AQR: variants seen among roughly 807,000 people sequenced by gnomAD.
The protein encoded by AQR is RNA helicase aquarius.
Under a neutral mutation model 180.5 loss-of-function variants are expected in AQR, and 61 were observed. That is an observed-to-expected ratio of 0.34 (90% confidence interval 0.28 to 0.42). AQR has a LOEUF of 0.42. Among genes scored for constraint, AQR ranks in the 10% least tolerant of loss-of-function variants. AQR has a pLI of 1.00. For synonymous variants in AQR, 551 were observed against 588.8 expected, an observed-to-expected ratio of 0.94 and a Z score of 0.93; for missense variants, 1,281 against 1,798.3, an observed-to-expected ratio of 0.71 and a Z score of 5.20.
rs1273901298 is a variant in AQR at position 34,853,959 on chromosome 15, CA to C, written c.*2832del. On this transcript the variant is annotated 3_prime_UTR_variant, in exon 35 of 35. Transcript: ENST00000156471. Reference sequence around the variant, plus strand: ...ATATCTTGCTGTCTCTTGATCATTACAAAATTTCATTTGTTTACAGGAGCAC... The same window carrying C: ...ATATCTTGCTGTCTCTTGATCATTACAAATTTCATTTGTTTACAGGAGCAC... The C allele has an allele frequency of 2.0e-5, 3 of 152,162 alleles. No homozygotes were observed. Among genetic ancestry groups the C allele is most frequent in the Non-Finnish European group, 4.4e-5 (3 of 68,018 alleles). The allele number at this position is 152,162 out of a possible 1,614,324, so 9.4% of individuals were successfully genotyped here.
chr15:34,906,391 G>T (rs953823441), intron 18 of AQR, 154 bp downstream of exon 18: 17 of 814,182 alleles, frequency 2.1e-5, no homozygotes, highest in African/African-American at 3.5e-5. Context: ...AAAACTGCAC[G>T]GTAGGTACCC....
intron 1 of AQR, 34 bp from the exon 2 acceptor site, chr15:34,964,324 G>C (rs2050298046): frequency 6.5e-7 from 1 of 1,529,898 alleles, no homozygotes; most frequent in Non-Finnish European, 9.0e-7. Context: ...GTAAGTCCCA[G>C]ATTCTTGCCA....
chr15:34,944,395 A>T lies in AQR; in HGVS notation c.364T>A (p.Phe122Ile), dbSNP rs768126079. ...FKKKPDHFPF[F>I]FKHILKAALA... ...GCCGCCTTCAAGATGTGTTTAAAAAAGAATGGGAAGTGGTCTGGCTTCTTC... is the reference window on the plus strand; with the variant it reads ...GCCGCCTTCAAGATGTGTTTAAAAATGAATGGGAAGTGGTCTGGCTTCTTC... Residue 122 changes from phenylalanine to isoleucine, a missense_variant, in exon 6 of 35, where the codon TTT (phenylalanine) becomes ATT (isoleucine). Phe to Ile is a conservative substitution (Grantham distance 21, BLOSUM62 0). Around this residue, in one of 9 missense-constraint regions of AQR, gnomAD observed 404 missense variants for 490.9 expected, o/e 0.82. Coordinates refer to ENST00000156471, the MANE Select transcript of AQR (RefSeq NM_014691.3). 4.4e-6 allele frequency: 7 copies of T among 1,607,134 alleles called. No homozygotes were observed. Among genetic ancestry groups the T allele is most frequent in the Non-Finnish European group, 5.9e-6 (7 of 1,177,640 alleles).
chr15:34,882,465 T>TAAAAAAAAAAAAAAAAAAAA lies in AQR; in HGVS notation c.3165+36_3165+37insTTTTTTTTTTTTTTTTTTTT, dbSNP rs34949352. On this transcript the variant is annotated intron_variant, in intron 27 of 34. Coordinates refer to ENST00000156471, the MANE Select transcript of AQR (RefSeq NM_014691.3). ...GAAGTGAGCCAATCTCTGATAATCTTAAAAAAAAAAAAAAAAAAACTACCA... is the reference window on the plus strand; with the variant it reads ...GAAGTGAGCCAATCTCTGATAATCTTAAAAAAAAAAAAAAAAAAAAAAAAAAAAAAAAAAAAAAACTACCA... 3.0e-5 allele frequency: 36 copies of TAAAAAAAAAAAAAAAAAAAA among 1,200,436 alleles called. No homozygotes were observed. The African/African-American group carries it at 5.0e-4, about 17-fold the overall frequency. 74.4% of individuals were successfully genotyped at this position (1,200,436 alleles called of 1,614,324 possible). A position where few individuals can be genotyped will look rare whatever the true frequency, so the allele number is the denominator to read the frequency against.
At chr15:34,938,653 C>T (rs866831157) in intron 9 of AQR, 84 bp downstream of exon 9, 3 of 856,738 alleles carry the variant, frequency 3.5e-6, no homozygotes, top group African/African-American at 3.3e-5. Flanking sequence ...ATTCCAAGAA[C>T]AGTTTTTAGA....
intron 13 of AQR, among the ~76,000 whole-genome samples, chr15:34,924,116 G>C (rs1893721186): frequency 6.6e-6 from 1 of 152,094 alleles, no homozygotes; most frequent in African/African-American, 2.4e-5. Flanking sequence ...ATTCTACTCT[G>C]AAACTAATTT....
intron 31 of AQR, 99 bp from the exon 32 acceptor site, chr15:34,867,708 T>C (rs1892756388): frequency 1.2e-6 from 1 of 810,292 alleles, no homozygotes; most frequent in Admixed American, 2.7e-5. Context: ...TTATCCTTAA[T>C]CAATCCCAAA....
In AQR at chr15:34,963,119, A is replaced by G. The variant is rs902133278; in HGVS notation, c.132+1115T>C. On this transcript the variant is annotated intron_variant, in intron 2 of 34. Coordinates refer to ENST00000156471, the MANE Select transcript of AQR (RefSeq NM_014691.3). ...TTCAGCTTCCAGAGCAATTGATACT[A>G]CATGTGTGAGCCACTGCACAAGCCA... 3.3e-5 allele frequency among the ~76,000 whole-genome samples: 5 copies of G among 152,154 alleles called. No individual in the cohort carries two copies. The South Asian group carries it at 8.3e-4, about 25-fold the overall frequency.
chr15:34,883,016 A>C (rs1183749456), intron 26 of AQR, among the ~76,000 whole-genome samples: 1 of 152,226 alleles, frequency 6.6e-6, no homozygotes, highest in Non-Finnish European at 1.5e-5. Context: ...GAGGAACTAT[A>C]AAGGTAATGT....
intron 3 of AQR, 56 bp from the exon 4 acceptor site, chr15:34,952,976 GTTA>G: frequency 9.6e-7 from 1 of 1,044,642 alleles, no homozygotes; most frequent in Non-Finnish European, 1.4e-6. Context: ...ACGTTTCAGA[GTTA>G]TTAACACAAA....
chr15:34,961,198 T>C (rs2050275307), intron 2 of AQR, among the ~76,000 whole-genome samples: 1 of 152,118 alleles, frequency 6.6e-6, no homozygotes, highest in African/African-American at 2.4e-5. Flanking sequence ...AATTTAAAAG[T>C]GTGAAGACAT....
At chr15:34,956,696 GAAAAAA>G (rs565202160) in intron 3 of AQR, among the ~76,000 whole-genome samples, 1 of 83,370 alleles carries the variant, frequency 1.2e-5, no homozygotes, top group Non-Finnish European at 2.2e-5. Flanking sequence ...TAAGAAGTCA[GAAAAAA>G]AAAAAAAAAA....
chr15:34,965,845 G>A (rs2050307716), intron 1 of AQR, among the ~76,000 whole-genome samples: 1 of 152,066 alleles, frequency 6.6e-6, no homozygotes, highest in African/African-American at 2.4e-5. Context: ...AGAGAATTGA[G>A]TCTAACCTGT....
chr15:34,886,497 G>T, intron 25 of AQR, 29 bp downstream of exon 25: 2 of 1,579,742 alleles, frequency 1.3e-6, no homozygotes, highest in African/African-American at 1.4e-5. Context: ...TTATGATGAA[G>T]TATGATTCAA....
Position 34,906,677 on chromosome 15 carries a change from C to T in AQR, c.1699G>A (p.Val567Ile), listed in dbSNP as rs377699708. ...GTGCCATAAGGTTTTGTGGGACGTA[C>T]GGTAATTAAAAAGCATACATCATGC... ...RKHDVCFLITVRPTKPYGTKF... is the reference protein window; with the variant it reads ...RKHDVCFLITIRPTKPYGTKF... The change falls in exon 18 of 35, where the codon GTA becomes ATA. Residue 567 changes from valine to isoleucine, a missense_variant. By Grantham distance (29) the Val-to-Ile change is conservative. This residue lies in a region of AQR where 200 missense variants were observed against 293.4 expected (regional missense o/e 0.68). Transcript: ENST00000156471. The T allele has an allele frequency of 2.5e-6, 4 of 1,613,628 alleles. No homozygotes were observed. The highest frequency in any genetic ancestry group is 2.5e-6 in the Non-Finnish European group (3 of 1,179,870).
chr15:34,920,240 C>A, intron 14 of AQR, 92 bp downstream of exon 14: 3 of 824,666 alleles, frequency 3.6e-6, no homozygotes, highest in South Asian at 1.9e-5. Context: ...ATCTTTGGCC[C>A]ACAAAAAAAT....
chr15:34,930,125 G>T, intron 12 of AQR, 133 bp downstream of exon 12: 1 of 507,320 alleles, frequency 2.0e-6, no homozygotes. Context: ...ATTGGAAAAA[G>T]AAACGTTAAA....
chr15:34,896,852 A>C (rs1042709416), intron 22 of AQR, 45 bp downstream of exon 22: 21 of 1,538,864 alleles, frequency 1.4e-5, no homozygotes, highest in Non-Finnish European at 1.8e-5. Context: ...TCCATCTCAG[A>C]AAACAAACAA....
chr15:34,892,301 T>C (rs1893161680), intron 23 of AQR, among the ~76,000 whole-genome samples: 1 of 152,210 alleles, frequency 6.6e-6, no homozygotes, highest in African/African-American at 2.4e-5. Flanking sequence ...CACATGGATT[T>C]GAAATTTAAT....
Sources: allele counts gnomAD v4.1 joint callset (sites outside exome capture counted in the v4.1 genomes callset), GRCh38; gene constraint gnomAD v4.1.1; regional missense constraint gnomAD v4.1.1; transcripts MANE v1.5; gene names NCBI Gene and HGNC (gene_info 2026-07-23, HGNC 2026-07-21).